TET3: variants seen among roughly 807,000 people sequenced by gnomAD.
The protein encoded by TET3 is tet methylcytosine dioxygenase 3, also known as methylcytosine dioxygenase TET3.
A neutral mutation model predicts 141.4 loss-of-function variants in TET3; 19 were observed. The ratio of observed to expected loss-of-function variants is 0.13; its 90% CI spans 0.09 to 0.20. TET3 has a LOEUF of 0.20. Among genes scored for constraint, TET3 ranks in the 10% least tolerant of loss-of-function variants. The pLI is 1.00. For synonymous variants in TET3, 1,043 were observed against 980.9 expected (o/e 1.06, Z -1.18); for missense variants, 1,874 against 2,356.9 (o/e 0.80, Z 4.24).
At chr2:74,080,463 G>A in intron 5 of TET3, 35 bp from the exon 6 acceptor site, 1 of 1,589,074 alleles carries the variant, frequency 6.3e-7, no homozygotes, top group African/African-American at 1.3e-5. Flanking sequence ...TTGGGGTTCT[G>A]CTGTGCTAAT....
At chr2:74,052,722 T>G (rs2103745591) in intron 4 of TET3, among the ~76,000 whole-genome samples, 1 of 151,950 alleles carries the variant, frequency 6.6e-6, no homozygotes, top group South Asian at 2.1e-4. Flanking sequence ...ATACAAAAAT[T>G]AGCTGGGCAT....
At chr2:73,984,472 C>T (rs1683892640), upstream of TET3, among the ~76,000 whole-genome samples, 1 of 152,158 alleles carries the variant, frequency 6.6e-6, no homozygotes, top group South Asian at 2.1e-4. The surrounding 1 kb of genome is among the most constrained non-coding windows in gnomAD (Gnocchi z 5.6). Context: ...GGGCCCGGCG[C>T]TCAGGCCTCC....
the TET3 span, among the ~76,000 whole-genome samples, chr2:74,124,187 C>T: frequency 6.6e-6 from 1 of 151,456 alleles, no homozygotes; most frequent in Non-Finnish European, 1.5e-5. Flanking sequence ...AGCCCCCGCC[C>T]GGCCAGCCAC....
Position 74,106,101 on chromosome 2 carries a change from T to TC in TET3, c.*3925_*3926insC, listed in dbSNP as rs1369212529. 1 of 151,178 alleles carries TC rather than the reference T, an allele frequency of 6.6e-6. No homozygotes were observed. Among genetic ancestry groups the TC allele is most frequent in the East Asian group, 1.9e-4 (1 of 5,138 alleles). The allele number at this position is 151,178 out of a possible 1,614,324, so 9.4% of individuals were successfully genotyped here. On this transcript the variant is annotated 3_prime_UTR_variant, in exon 12 of 12. Coordinates refer to ENST00000409262, the MANE Select transcript of TET3 (RefSeq NM_001287491.2). ...GGGCTCCAGTCTCTTGGCTTTTTTT[T>TC]TTCCCTCCCCTCTTTTGGTGCTGTC...
At chr2:74,069,400 T>G (rs1401504673) in intron 4 of TET3, among the ~76,000 whole-genome samples, 1 of 149,902 alleles carries the variant, frequency 6.7e-6, no homozygotes. Flanking sequence ...CATAATGATC[T>G]GGATAAAATA....
chr2:74,005,447 C>G (rs1009848062), intron 3 of TET3, among the ~76,000 whole-genome samples: 2 of 152,228 alleles, frequency 1.3e-5, no homozygotes, highest in Non-Finnish European at 2.9e-5. Flanking sequence ...TCCCTGGTGC[C>G]ACCTTCACAC....
rs1337097909 is a variant in TET3, at chr2:74,100,544, C to T, written c.3756C>T (p.Tyr1252=). The change falls in exon 12 of 12, where the codon TAC becomes TAT. Residue 1252 remains tyrosine, a synonymous_variant. Coordinates refer to ENST00000409262, the MANE Select transcript of TET3 (RefSeq NM_001287491.2). The part of the protein sequence containing the change: ...VLGNCRPSDP[Y]SMNSVYSYHS... ...GCAACTGCCGGCCCTCCGACCCTTA[C>T]AGCATGAACAGCGTGTACTCCTACC... The T allele has an allele frequency of 6.2e-7, 1 of 1,612,672 alleles. No homozygotes were observed. Among genetic ancestry groups the T allele is most frequent in the South Asian group, 1.1e-5 (1 of 90,702 alleles).
intron 10 of TET3, among the ~76,000 whole-genome samples, chr2:74,095,059 C>T (rs1690732551): frequency 1.3e-5 from 2 of 152,206 alleles, no homozygotes; most frequent in African/African-American, 2.4e-5. Context: ...TGCTGGCTGT[C>T]TGCTCTGCCT....
the TET3 span, among the ~76,000 whole-genome samples, chr2:74,128,793 G>T: frequency 6.6e-6 from 1 of 151,284 alleles, no homozygotes; most frequent in Non-Finnish European, 1.5e-5. Context: ...ACCAGCCTGG[G>T]CAACATAGTA....
chr2:74,042,334 T>G (rs1687381890), intron 3 of TET3, among the ~76,000 whole-genome samples: 1 of 152,178 alleles, frequency 6.6e-6, no homozygotes, highest in African/African-American at 2.4e-5. Context: ...ACCCCAGCCT[T>G]GGTTTCAAGA....
chr2:74,123,152 A>G, the TET3 span: 1 of 152,184 alleles, frequency 6.6e-6, no homozygotes, highest in African/African-American at 2.4e-5. Context: ...CTGCTTTTGG[A>G]AAAATGAAGA....
chr2:74,071,611 A>G (rs550682500), intron 4 of TET3, among the ~76,000 whole-genome samples: 1 of 152,336 alleles, frequency 6.6e-6, no homozygotes, highest in South Asian at 2.1e-4. Flanking sequence ...CGTTGGTACA[A>G]TACTGTTAAC....
chr2:73,991,452 G>T lies in TET3; in HGVS notation c.303+4746G>T, dbSNP rs190529069. 1.3e-3 allele frequency among the ~76,000 whole-genome samples: 199 copies of T among 152,040 alleles called. 1 individual carries two copies. Among genetic ancestry groups the T allele is most frequent in the Middle Eastern group, 6.8e-3 (2 of 294 alleles). ...TACAAAATTAGCCAGGCGTGGTGGT[G>T]GGTGCCTGTAATCCCAGCTCCTGAG... On this transcript the variant is annotated intron_variant, in intron 2 of 11. Coordinates refer to ENST00000409262, the MANE Select transcript of TET3 (RefSeq NM_001287491.2).
the TET3 span, among the ~76,000 whole-genome samples, chr2:74,131,862 A>C: frequency 2.7e-5 from 4 of 150,484 alleles, no homozygotes; most frequent in Non-Finnish European, 4.4e-5. Flanking sequence ...TCAATTAAAA[A>C]AACCTGTGAT....
At chr2:74,033,050 C>T (rs1046808148) in intron 3 of TET3, among the ~76,000 whole-genome samples, 8 of 152,194 alleles carry the variant, frequency 5.3e-5, no homozygotes, top group African/African-American at 1.9e-4. Context: ...GCGTACAGCT[C>T]TCTAGCAACA....
rs1208133540 is a variant in TET3 at position 73,989,361 on chromosome 2, GC to G, written c.303+2656del. Among the ~76,000 whole-genome samples, 7 of 152,312 alleles carry G rather than the reference GC, an allele frequency of 4.6e-5. No homozygotes were observed. The East Asian group carries it at 1.3e-3, about 29-fold the overall frequency. On this transcript the variant is annotated intron_variant, in intron 2 of 11. Coordinates refer to ENST00000409262, the MANE Select transcript of TET3 (RefSeq NM_001287491.2). ...GGTACTTCCTCCTCTCTGTGAGAGTGCTGTGCTCCTCTGGGCACTCTTCCTT... is the reference window on the plus strand; with the variant it reads ...GGTACTTCCTCCTCTCTGTGAGAGTGTGTGCTCCTCTGGGCACTCTTCCTT...
chr2:73,987,594 C>T (rs890711754), intron 2 of TET3, among the ~76,000 whole-genome samples: 18 of 152,280 alleles, frequency 1.2e-4, no homozygotes, highest in Admixed American at 3.9e-4. Flanking sequence ...TTAGGAGGAG[C>T]GGTGTAGCCG....
intron 10 of TET3, among the ~76,000 whole-genome samples, chr2:74,094,746 G>T (rs112503382): frequency 0.018 from 2,745 of 152,298 alleles, 73 homozygotes; most frequent in African/African-American, 0.063. Flanking sequence ...ATTGTTATGT[G>T]AGCAGGACTT....
intron 2 of TET3, among the ~76,000 whole-genome samples, chr2:74,000,254 T>C (rs1239197693): frequency 6.6e-6 from 1 of 152,168 alleles, no homozygotes; most frequent in Non-Finnish European, 1.5e-5. Flanking sequence ...CCCAGCCCCC[T>C]GCCTCTCCAC....
Sources: gnomAD v4.1 joint callset for allele counts (sites outside exome capture counted in the v4.1 genomes callset) on GRCh38, gnomAD v4.1.1 for gene constraint, Gnocchi (gnomAD v3.1) non-coding constraint, MANE v1.5 for transcripts, NCBI Gene and HGNC (gene_info 2026-07-23, HGNC 2026-07-21) for gene names.